The following SGSM2 variants were observed in gnomAD, a reference collection of about 807,000 sequenced individuals.
SGSM2 encodes the protein small G protein signaling modulator 2, also known as RUN and TBC1 domain containing 1.
Under a neutral mutation model 126.6 loss-of-function variants are expected in SGSM2, and 89 were observed. The observed-to-expected ratio is 0.70, with a 90% CI of 0.59 to 0.84. The LOEUF is 0.84. Ranked by LOEUF, SGSM2 falls within the 40% of genes least tolerant of loss-of-function variation. The pLI is 0.00. For missense variants in SGSM2, 1,404 were observed against 1,416.6 expected, an observed-to-expected ratio of 0.99 and a Z score of 0.14; for synonymous variants, 614 against 574.3, an observed-to-expected ratio of 1.07 and a Z score of -0.99.
Position 2,364,299 on chromosome 17 carries a change from C to T in SGSM2, c.932+116C>T, listed in dbSNP as rs1190155628. The stretch of plus-strand genomic sequence containing the variant: ...AGGCCAACCTCACTCTTTATTTGGA[C>T]GCCAAGAATAGCAGGGAGCGGCTGC... On this transcript the variant is annotated intron_variant, in intron 8 of 23. Coordinates refer to ENST00000268989, the MANE Select transcript of SGSM2 (RefSeq NM_014853.3). The T allele has an allele frequency of 3.1e-5, 41 of 1,344,120 alleles. 1 individual carries two copies. Among genetic ancestry groups the T allele is most frequent in the South Asian group, 2.9e-4 (23 of 79,208 alleles). The allele number at this position is 1,344,120 out of a possible 1,614,324, so 83.3% of individuals were successfully genotyped here.
chr17:2,339,462 C>G (rs533186402), intron 1 of SGSM2, among the ~76,000 whole-genome samples: 1 of 150,524 alleles, frequency 6.6e-6, no homozygotes, highest in South Asian at 2.1e-4. Context: ...TGGTGGCTCA[C>G]GACTGTAATC....
chr17:2,379,686 CAAG>C lies in SGSM2; in HGVS notation c.*167_*169del. On this transcript the variant is annotated 3_prime_UTR_variant, in exon 24 of 24. Transcript: ENST00000268989. ...TCCCGGCAGTGCTGACCCTGCAGGG[CAAG>C]TCAGGGGCCAGGATGCCCTCGGATC... 1 of 1,430,238 alleles carries C rather than the reference CAAG, an allele frequency of 7.0e-7. No individual in the cohort carries two copies. Among genetic ancestry groups the C allele is most frequent in the Non-Finnish European group, 9.2e-7 (1 of 1,090,460 alleles). The allele number at this position is 1,430,238 out of a possible 1,614,324, so 88.6% of individuals were successfully genotyped here.
intron 22 of SGSM2, 53 bp downstream of exon 22, chr17:2,378,006 T>C: frequency 2.6e-6 from 3 of 1,159,684 alleles, no homozygotes; most frequent in Non-Finnish European, 3.9e-6. Flanking sequence ...GAGAGATCCC[T>C]CTTCCCCCAA....
At chr17:2,349,981 G>T (rs1322062554) in intron 2 of SGSM2, among the ~76,000 whole-genome samples, 1 of 151,944 alleles carries the variant, frequency 6.6e-6, no homozygotes, top group Non-Finnish European at 1.5e-5. Flanking sequence ...TAGACATGGG[G>T]TTTCACCGTG....
intron 2 of SGSM2, among the ~76,000 whole-genome samples, chr17:2,349,928 C>T (rs1257073953): frequency 6.6e-6 from 1 of 152,002 alleles, no homozygotes; most frequent in African/African-American, 2.4e-5. Context: ...GCTGGGACTA[C>T]AGGCGCCCAC....
At position 2,377,861 on chromosome 17, in the gene SGSM2, T is replaced by C; in HGVS notation, c.2807T>C (p.Leu936Pro). ...CCCTTTTCCCACCCACATAAGATCCTGGACTCAGAGCTGTTTGAGCTGATG... is the reference window on the plus strand; with the variant it reads ...CCCTTTTCCCACCCACATAAGATCCCGGACTCAGAGCTGTTTGAGCTGATG... ...FANMRSLIQI[L>P]DSELFELMHQ... The change falls in exon 22 of 24, where the codon CTG becomes CCG. Residue 936 changes from leucine (L) to proline (P), a missense_variant. Coordinates refer to ENST00000268989, the MANE Select transcript of SGSM2 (RefSeq NM_014853.3). 1.2e-6 allele frequency: 2 copies of C among 1,606,514 alleles called. No individual in the cohort carries two copies. The highest frequency in any genetic ancestry group is 8.5e-7 in the Non-Finnish European group (1 of 1,173,334).
intron 12 of SGSM2, among the ~76,000 whole-genome samples, chr17:2,370,745 C>T (rs538336064): frequency 2.0e-5 from 3 of 152,326 alleles, no homozygotes; most frequent in South Asian, 2.1e-4. Flanking sequence ...GCCAGGCCTA[C>T]GGGCAGGTGA....
chr17:2,339,535 T>A (rs2064254104), intron 1 of SGSM2, among the ~76,000 whole-genome samples: 1 of 151,810 alleles, frequency 6.6e-6, no homozygotes, highest in African/African-American at 2.4e-5. Flanking sequence ...CCATCCTGGC[T>A]AACACGGTGA....
Position 2,367,174 on chromosome 17 carries a change from G to T in SGSM2, c.1289-97G>T. 7.3e-7 allele frequency: 1 copy of T among 1,360,948 alleles called. No homozygotes were observed. Among genetic ancestry groups the T allele is most frequent in the Non-Finnish European group, 9.9e-7 (1 of 1,012,870 alleles). 84.3% of individuals were successfully genotyped at this position (1,360,948 alleles called of 1,614,324 possible). On this transcript the variant is annotated intron_variant, in intron 11 of 23. Transcript: ENST00000268989. This position sits in a 1 kb window ranked among gnomAD's most constrained non-coding sequence, Gnocchi z 4.0. ...CTTCTGTGCCCTGCAGATTCACGAT[G>T]ACCCCGGCCTCCATTCCACTCCCCT...
chr17:2,349,856 T>C (rs991888980), intron 2 of SGSM2, among the ~76,000 whole-genome samples: 13 of 151,866 alleles, frequency 8.6e-5, no homozygotes, highest in Admixed American at 6.6e-4. Flanking sequence ...GGAGCGGTCT[T>C]GGCTCACTGC....
chr17:2,379,952 C>T lies in SGSM2; in HGVS notation c.*432C>T. The T allele has an allele frequency of 7.5e-7, 1 of 1,333,472 alleles. No individual in the cohort carries two copies. The highest frequency in any genetic ancestry group is 9.6e-7 in the Non-Finnish European group (1 of 1,041,160). 82.6% of individuals were successfully genotyped at this position (1,333,472 alleles called of 1,614,324 possible). On this transcript the variant is annotated 3_prime_UTR_variant, in exon 24 of 24. Coordinates refer to ENST00000268989, the MANE Select transcript of SGSM2 (RefSeq NM_014853.3). The stretch of plus-strand genomic sequence containing the variant: ...TCTGTGCTGTGTCCCTTCTGAGGGT[C>T]CCTTTGCAGTCCCAGTATATTGTGC...
At chr17:2,350,179 C>T (rs767376288) in intron 2 of SGSM2, among the ~76,000 whole-genome samples, 1 of 151,832 alleles carries the variant, frequency 6.6e-6, no homozygotes, top group East Asian at 2.0e-4. Flanking sequence ...GCCTCGGTCT[C>T]CCAAAGTGCT....
rs1290913478 is a variant in SGSM2 at position 2,377,303 on chromosome 17, G to A, written c.2802+235G>A. The A allele has an allele frequency of 2.7e-5, 13 of 477,522 alleles. No individual in the cohort carries two copies. The East Asian group carries it at 4.1e-4, about 15-fold the overall frequency. The allele number at this position is 477,522 out of a possible 1,614,324, so 29.6% of individuals were successfully genotyped here. ...GTTTGAGACCAGCCTGGCCAACATC[G>A]TGAAACCCCATCTCTACTAAAAATA... On this transcript the variant is annotated intron_variant, in intron 21 of 23. Transcript: ENST00000268989.
rs774191374 is a variant in SGSM2 at position 2,376,275 on chromosome 17, C to T, written c.2609+14C>T. The T allele has an allele frequency of 1.2e-5, 18 of 1,472,138 alleles. No homozygotes were observed. The highest frequency in any genetic ancestry group is 3.5e-5 in the Admixed American group (2 of 57,592). 91.2% of individuals were successfully genotyped at this position (1,472,138 alleles called of 1,614,324 possible). On this transcript the variant is annotated intron_variant, in intron 19 of 23. Transcript: ENST00000268989. ...CGTCATGTGCAGGTGCCTTGTGGGGCGGGGCTCAGGGTGGGAGGCGGGACC... is the reference window on the plus strand; with the variant it reads ...CGTCATGTGCAGGTGCCTTGTGGGGTGGGGCTCAGGGTGGGAGGCGGGACC...
chr17:2,359,078 C>T lies in SGSM2; in HGVS notation c.134-2559C>T, dbSNP rs148304743. On this transcript the variant is annotated intron_variant, in intron 2 of 23. Transcript: ENST00000268989. ...ATTTTTAGTAGAGATGGGATTTCAC[C>T]GTGTTAGCCAGGATGGTCTCAATCT... Among the ~76,000 whole-genome samples the T allele has an allele frequency of 1.6e-3, 246 of 151,982 alleles. 1 individual carries two copies. The highest frequency in any genetic ancestry group is 5.6e-3 in the African/African-American group (234 of 41,438).
intron 12 of SGSM2, among the ~76,000 whole-genome samples, chr17:2,370,366 C>T (rs1246332225): frequency 6.6e-6 from 1 of 152,272 alleles, no homozygotes; most frequent in Non-Finnish European, 1.5e-5. Flanking sequence ...TCTCGAGGGT[C>T]TTGAGTTCTG....
At chr17:2,341,559 T>C (rs2064369711) in intron 1 of SGSM2, among the ~76,000 whole-genome samples, 1 of 152,220 alleles carries the variant, frequency 6.6e-6, no homozygotes, top group African/African-American at 2.4e-5. Flanking sequence ...ACTAAGGGTC[T>C]TGGGAACCTG....
chr17:2,368,388 G>A (rs1446494876), intron 12 of SGSM2, among the ~76,000 whole-genome samples: 6 of 152,160 alleles, frequency 3.9e-5, no homozygotes, highest in Non-Finnish European at 5.9e-5. Flanking sequence ...TCCCAGAGAC[G>A]AGGGGAGCTT....
intron 18 of SGSM2, 37 bp from the exon 19 acceptor site, chr17:2,376,100 G>A (rs1463389817): frequency 1.9e-6 from 3 of 1,613,166 alleles, no homozygotes; most frequent in Admixed American, 3.3e-5. Context: ...GGGAAGGGCT[G>A]CCCGGTCTCA....
Sources: allele counts gnomAD v4.1 joint callset (sites outside exome capture counted in the v4.1 genomes callset), GRCh38; gene constraint gnomAD v4.1.1; non-coding constraint Gnocchi (gnomAD v3.1); transcripts MANE v1.5; gene names NCBI Gene and HGNC (gene_info 2026-07-23, HGNC 2026-07-21).